The following DNAH11 variants were observed in gnomAD, a reference collection of about 807,000 sequenced individuals.
DNAH11 encodes the protein axonemal beta dynein heavy chain 11.
A neutral mutation model predicts 526.0 loss-of-function variants in DNAH11; 442 were observed. The ratio of observed to expected loss-of-function variants is 0.84; its 90% CI spans 0.78 to 0.91. The LOEUF (loss-of-function observed/expected upper bound fraction) is 0.91, where lower values mean the gene tolerates loss of function less well. Ranked by LOEUF, DNAH11 falls within the 40% of genes least tolerant of loss-of-function variation. The pLI is 0.00. For missense variants in DNAH11, 6,989 were observed against 5,448.7 expected (o/e 1.28, Z -8.90); for synonymous variants, 2,461 against 1,935.9 (o/e 1.27, Z -7.12).
intron 57 of DNAH11, 46 bp from the exon 58 acceptor site, chr7:21,784,381 G>T: frequency 7.1e-7 from 1 of 1,416,018 alleles, no homozygotes; most frequent in Non-Finnish European, 9.9e-7. Context: ...AGAGATATCT[G>T]TGATAATAAT....
At position 21,880,737 on chromosome 7, in the gene DNAH11, T is replaced by C; in HGVS notation, c.12231T>C (p.Phe4077=). 1 of 1,614,008 alleles carries C rather than the reference T, an allele frequency of 6.2e-7. No homozygotes were observed. The highest frequency in any genetic ancestry group is 8.5e-7 in the Non-Finnish European group (1 of 1,179,900). The change falls in exon 75 of 82, where the codon TTT becomes TTC. Residue 4077 remains phenylalanine, a synonymous_variant. Transcript: ENST00000409508. ...AAATATGCTCCAAGGAGCAGGAGTTTAAAAGCATCCTTTTTTCTCTCTGCT... is the reference window on the plus strand; with the variant it reads ...AAATATGCTCCAAGGAGCAGGAGTTCAAAAGCATCCTTTTTTCTCTCTGCT... The part of the protein sequence containing the change: ...TLEICSKEQE[F]KSILFSLCYF...
intron 65 of DNAH11, among the ~76,000 whole-genome samples, chr7:21,839,585 AAAG>A (rs1026819729): frequency 6.6e-6 from 1 of 151,952 alleles, no homozygotes; most frequent in African/African-American, 2.4e-5. Flanking sequence ...AAAAAAAAAA[AAAG>A]GGGACGTATG....
At chr7:21,781,695 C>G (rs991006440) in intron 57 of DNAH11, among the ~76,000 whole-genome samples, 1 of 152,082 alleles carries the variant, frequency 6.6e-6, no homozygotes, top group Non-Finnish European at 1.5e-5. Context: ...TAAGGAAATT[C>G]TTATAATCTA....
chr7:21,676,211 A>G (rs1782876304), intron 30 of DNAH11, among the ~76,000 whole-genome samples: 4 of 152,330 alleles, frequency 2.6e-5, no homozygotes, highest in African/African-American at 9.6e-5. Context: ...TGAAGCCAAG[A>G]TGTCCCAGGA....
At chr7:21,778,128 A>G (rs1676399687) in intron 56 of DNAH11, among the ~76,000 whole-genome samples, 1 of 152,074 alleles carries the variant, frequency 6.6e-6, no homozygotes, top group South Asian at 2.1e-4. Flanking sequence ...TAGTTACATG[A>G]CCCTCAAACT....
chr7:21,553,409 C>G (rs554699278), intron 2 of DNAH11, among the ~76,000 whole-genome samples: 66 of 152,232 alleles, frequency 4.3e-4, no homozygotes, highest in African/African-American at 1.6e-3. Context: ...CCGACACTAT[C>G]AATTTTTCCT....
At chr7:21,606,812 A>C (rs998282557) in intron 20 of DNAH11, 79 bp downstream of exon 20, 1 of 1,212,332 alleles carries the variant, frequency 8.2e-7, no homozygotes, top group African/African-American at 1.5e-5. Flanking sequence ...AAATACTGCC[A>C]CATTTTGTCT....
chr7:21,704,683 T>C (rs964719391), intron 38 of DNAH11, 55 bp downstream of exon 38: 16 of 1,553,088 alleles, frequency 1.0e-5, no homozygotes, highest in African/African-American at 4.2e-5. Context: ...GTGGAAATAA[T>C]TGTGGCTAAT....
chr7:21,835,436 C>A (rs1781957422), intron 65 of DNAH11, among the ~76,000 whole-genome samples: 1 of 152,042 alleles, frequency 6.6e-6, no homozygotes, highest in Non-Finnish European at 1.5e-5. Context: ...GAATTTATTC[C>A]AGGAATGCAA....
intron 65 of DNAH11, among the ~76,000 whole-genome samples, chr7:21,822,622 T>A (rs1407515096): frequency 6.6e-6 from 1 of 152,186 alleles, no homozygotes; most frequent in Non-Finnish European, 1.5e-5. Context: ...ATATACTGAT[T>A]TCATTTATTT....
At chr7:21,785,994 A>G (rs912535230) in intron 58 of DNAH11, among the ~76,000 whole-genome samples, 3 of 152,312 alleles carry the variant, frequency 2.0e-5, no homozygotes, top group Middle Eastern at 3.4e-3. Flanking sequence ...TATATGTGCT[A>G]TTACCTGCCT....
At chr7:21,750,032 G>A (rs1002929259) in intron 53 of DNAH11, among the ~76,000 whole-genome samples, 190 bp from the exon 54 acceptor site, 12 of 152,176 alleles carry the variant, frequency 7.9e-5, no homozygotes, top group South Asian at 6.2e-4. Flanking sequence ...TGTAGAGGGT[G>A]TGTTCACCAT....
intron 58 of DNAH11, among the ~76,000 whole-genome samples, chr7:21,786,362 C>A (rs1016527723): frequency 6.6e-5 from 10 of 151,200 alleles, no homozygotes; most frequent in African/African-American, 2.4e-4. Context: ...CTCTGCAGGA[C>A]TGATATATAG....
chr7:21,757,041 T>C (rs1313959456), intron 54 of DNAH11, among the ~76,000 whole-genome samples: 3 of 152,166 alleles, frequency 2.0e-5, no homozygotes, highest in Non-Finnish European at 4.4e-5. Context: ...AAGAAAGCCA[T>C]TGGATGGAGG....
At chr7:21,683,497 C>A (rs963993306) in intron 31 of DNAH11, among the ~76,000 whole-genome samples, 3 of 149,470 alleles carry the variant, frequency 2.0e-5, no homozygotes, top group African/African-American at 7.6e-5. Flanking sequence ...TATAAAGTTA[C>A]AAGATTTATC....
Position 21,866,320 on chromosome 7 carries a change from CA to C in DNAH11, c.11497-135del, listed in dbSNP as rs35623271. 59,309 of 447,804 alleles carry C rather than the reference CA, an allele frequency of 0.13. 1,478 individuals are homozygous for C. The highest frequency in any genetic ancestry group is 0.3 in the African/African-American group (12,834 of 42,318). 27.7% of individuals were successfully genotyped at this position (447,804 alleles called of 1,614,324 possible). A position where few individuals can be genotyped will look rare whatever the true frequency, so the allele number is the denominator to read the frequency against. ...CTTTGAGCTTACCCTCTCAGCAGAG[CA>C]AAAAAAAAAAAAAAGGAAATCTGAA... On this transcript the variant is annotated intron_variant, in intron 70 of 81. Transcript: ENST00000409508.
intron 66 of DNAH11, among the ~76,000 whole-genome samples, chr7:21,850,794 C>A (rs1239059632): frequency 6.6e-6 from 1 of 151,992 alleles, no homozygotes; most frequent in African/African-American, 2.4e-5. Flanking sequence ...GCAGTTTTAC[C>A]TGGTGTCCTT....
intron 56 of DNAH11, among the ~76,000 whole-genome samples, chr7:21,774,545 C>T (rs1787580352): frequency 6.6e-6 from 1 of 152,170 alleles, no homozygotes; most frequent in Non-Finnish European, 1.5e-5. Context: ...AGAGAATCAT[C>T]ACAGGATGTT....
At chr7:21,545,273 T>TAAA (rs1286789068) in intron 2 of DNAH11, 124 bp downstream of exon 2, 13 of 113,536 alleles carry the variant, frequency 1.1e-4, no homozygotes, top group East Asian at 9.3e-4. Flanking sequence ...ATGGGGGTGG[T>TAAA]TAAAAAAAAA....
Sources: allele counts gnomAD v4.1 joint callset (sites outside exome capture counted in the v4.1 genomes callset), GRCh38; gene constraint gnomAD v4.1.1; transcripts MANE v1.5; gene names NCBI Gene and HGNC (gene_info 2026-07-23, HGNC 2026-07-21).